Variants in CAMK1D observed in about 807,000 individuals in gnomAD.
CAMK1D encodes calcium/calmodulin-dependent protein kinase type 1D.
In CAMK1D, 9 loss-of-function variants were observed where a neutral mutation model predicts 47.7. The observed-to-expected ratio is 0.19, with a 90% CI of 0.11 to 0.33. The LOEUF is 0.33. Ranked by LOEUF, CAMK1D falls within the 10% of genes least tolerant of loss-of-function variation. The pLI is 1.00. For synonymous variants in CAMK1D, 184 were observed against 184.9 expected (o/e 0.99, Z 0.04); for missense variants, 291 against 488.7 (o/e 0.60, Z 3.81).
At chr10:12,598,870 G>A (rs1405017864) in intron 2 of CAMK1D, among the ~76,000 whole-genome samples, 2 of 152,182 alleles carry the variant, frequency 1.3e-5, no homozygotes, top group East Asian at 3.8e-4. Context: ...TTTTTACGAG[G>A]CCTACAAAGA....
intron 3 of CAMK1D, among the ~76,000 whole-genome samples, chr10:12,746,130 G>A (rs1455959639): frequency 2.6e-5 from 4 of 152,006 alleles, no homozygotes; most frequent in Non-Finnish European, 4.4e-5. Context: ...AGTTACTGAC[G>A]AGGCGGACGG....
rs1291974134 is a variant in CAMK1D at position 12,833,193 on chromosome 10, T to G, written c.*4306T>G. ...GAATCTGGCCTAGGGAGCCCCGGACTCGGTTTACCTACCCCGTACTCATCC... is the reference window on the plus strand; with the variant it reads ...GAATCTGGCCTAGGGAGCCCCGGACGCGGTTTACCTACCCCGTACTCATCC... On this transcript the variant is annotated 3_prime_UTR_variant, in exon 11 of 11. Transcript: ENST00000619168. 6.6e-6 allele frequency: 1 copy of G among 152,278 alleles called. No homozygotes were observed. Among genetic ancestry groups the G allele is most frequent in the Non-Finnish European group, 1.5e-5 (1 of 68,116 alleles). 9.4% of individuals were successfully genotyped at this position (152,278 alleles called of 1,614,324 possible). A position where few individuals can be genotyped will look rare whatever the true frequency, so the allele number is the denominator to read the frequency against.
intron 2 of CAMK1D, among the ~76,000 whole-genome samples, chr10:12,594,012 A>T (rs992006124): frequency 1.3e-5 from 2 of 152,200 alleles, no homozygotes; most frequent in Non-Finnish European, 2.9e-5. Flanking sequence ...CCCCATCTCT[A>T]CTAAATACAA....
intron 2 of CAMK1D, among the ~76,000 whole-genome samples, chr10:12,563,695 GAGAGGGAGAGAGA>G (rs1837025083): frequency 1.6e-5 from 1 of 63,686 alleles, no homozygotes; most frequent in Non-Finnish European, 4.0e-5. Flanking sequence ...GAGAGAGAGA[GAGAGGGAGAGAGA>G]GGGAGAGAGA....
chr10:12,455,241 G>A (rs1833205795), intron 1 of CAMK1D, among the ~76,000 whole-genome samples: 1 of 152,082 alleles, frequency 6.6e-6, no homozygotes, highest in African/African-American at 2.4e-5. Context: ...ACATGACCAG[G>A]GCTCACTGCA....
chr10:12,650,875 G>GA (rs113754912), intron 2 of CAMK1D, among the ~76,000 whole-genome samples: 1 of 152,046 alleles, frequency 6.6e-6, no homozygotes, highest in Non-Finnish European at 1.5e-5. Flanking sequence ...GATGCATGGG[G>GA]AAAAAAACCC....
In CAMK1D at chr10:12,816,617, T is replaced by A. The variant is rs531253990; in HGVS notation, c.833+289T>A. Among the ~76,000 whole-genome samples the A allele has an allele frequency of 1.1e-3, 164 of 152,074 alleles. 1 individual carries two copies. The highest frequency in any genetic ancestry group is 3.7e-3 in the African/African-American group (153 of 41,488). On this transcript the variant is annotated intron_variant, in intron 8 of 10. Coordinates refer to ENST00000619168, the MANE Select transcript of CAMK1D (RefSeq NM_153498.4). Reference sequence around the variant, plus strand: ...CAGGCATGGTGGCTCATGCCTGTAATCCCAGCACTTTGGGAGGCTGAGGTG... The same window carrying A: ...CAGGCATGGTGGCTCATGCCTGTAAACCCAGCACTTTGGGAGGCTGAGGTG...
At chr10:12,648,687 TC>T (rs1177209894) in intron 2 of CAMK1D, among the ~76,000 whole-genome samples, 1 of 152,076 alleles carries the variant, frequency 6.6e-6, no homozygotes, top group African/African-American at 2.4e-5. Context: ...GCCAGGCTGG[TC>T]TTGAACTCCT....
intron 1 of CAMK1D, among the ~76,000 whole-genome samples, chr10:12,388,297 G>C (rs1353205972): frequency 6.6e-6 from 1 of 152,162 alleles, no homozygotes; most frequent in East Asian, 1.9e-4. Flanking sequence ...AAAGTGCTGA[G>C]ATTACACGTG....
intron 1 of CAMK1D, among the ~76,000 whole-genome samples, chr10:12,503,024 GCA>G (rs145238091): frequency 0.071 from 10,786 of 152,242 alleles, 432 homozygotes; most frequent in East Asian, 0.15. Context: ...GTGTATATAT[GCA>G]TGTGTGTGTG....
intron 1 of CAMK1D, among the ~76,000 whole-genome samples, chr10:12,406,384 C>G (rs998438489): frequency 6.6e-6 from 1 of 152,080 alleles, no homozygotes; most frequent in Non-Finnish European, 1.5e-5. Flanking sequence ...TAGTTAATAT[C>G]TGGCAAAAGC....
intron 4 of CAMK1D, among the ~76,000 whole-genome samples, chr10:12,764,389 A>AAAAAAAAC (rs1328980910): frequency 1.2e-4 from 18 of 151,450 alleles, no homozygotes; most frequent in African/African-American, 4.1e-4. Context: ...CTCAAAAAAA[A>AAAAAAAAC]AAAAAAAAAC....
intron 3 of CAMK1D, among the ~76,000 whole-genome samples, chr10:12,712,916 TC>T (rs1041338763): frequency 1.3e-5 from 2 of 152,082 alleles, no homozygotes; most frequent in African/African-American, 4.8e-5. Flanking sequence ...CATTGTCAGT[TC>T]CATACCTGGG....
intron 2 of CAMK1D, among the ~76,000 whole-genome samples, chr10:12,646,410 C>T (rs547032341): frequency 6.6e-6 from 1 of 152,032 alleles, no homozygotes; most frequent in African/African-American, 2.4e-5. Flanking sequence ...GAAAATTACT[C>T]ATCTTAAAGA....
At chr10:12,601,709 G>A (rs1215405831) in intron 2 of CAMK1D, among the ~76,000 whole-genome samples, 5 of 152,146 alleles carry the variant, frequency 3.3e-5, no homozygotes, top group Admixed American at 6.6e-5. Flanking sequence ...TGATCCGCCC[G>A]CCTCGGCCTC....
chr10:12,566,245 A>G (rs1336718995), intron 2 of CAMK1D, among the ~76,000 whole-genome samples: 1 of 152,094 alleles, frequency 6.6e-6, no homozygotes, highest in African/African-American at 2.4e-5. Context: ...GAATAGGGGG[A>G]AGGTTCCTTC....
chr10:12,456,852 G>A (rs1833262962), intron 1 of CAMK1D, among the ~76,000 whole-genome samples: 5 of 151,328 alleles, frequency 3.3e-5, no homozygotes, highest in Admixed American at 3.3e-4. Context: ...GGCATCTGGT[G>A]CCATGAACTA....
chr10:12,698,795 C>T (rs1351958353), intron 3 of CAMK1D, among the ~76,000 whole-genome samples: 1 of 150,236 alleles, frequency 6.7e-6, no homozygotes, highest in East Asian at 2.0e-4. Context: ...GCCTCAGGCT[C>T]CCAAGTAACT....
chr10:12,791,004 T>TA lies in CAMK1D; in HGVS notation c.566-143dup, dbSNP rs10717134. ...GAGCAAGACCCTATCTTCCTTCCTT[T>TA]AAAAAAAAAAAGCCAACACATAAAA... On this transcript the variant is annotated intron_variant, in intron 5 of 10. Coordinates refer to ENST00000619168, the MANE Select transcript of CAMK1D (RefSeq NM_153498.4). Among the ~76,000 whole-genome samples, 302 of 148,752 alleles carry TA rather than the reference T, an allele frequency of 2.0e-3. 1 individual carries two copies. Among genetic ancestry groups the TA allele is most frequent in the African/African-American group, 6.9e-3 (279 of 40,520 alleles).
Sources: gnomAD v4.1 joint callset for allele counts (sites outside exome capture counted in the v4.1 genomes callset) on GRCh38, gnomAD v4.1.1 for gene constraint, MANE v1.5 for transcripts, NCBI Gene and HGNC (gene_info 2026-07-23, HGNC 2026-07-21) for gene names.